KLHL13: variants seen among roughly 807,000 people sequenced by gnomAD.
KLHL13 encodes the protein kelch like family member 13.
In KLHL13, 10 loss-of-function variants were observed where a neutral mutation model predicts 37.1. That is an observed-to-expected ratio of 0.27 (90% CI 0.17 to 0.46). The LOEUF (loss-of-function observed/expected upper bound fraction) is 0.46, where lower values mean the gene tolerates loss of function less well. KLHL13 is among the 20% of genes least tolerant of loss of function. The pLI is 1.00. For missense variants in KLHL13, 360 were observed against 509.3 expected, an observed-to-expected ratio of 0.71 and a Z score of 2.82; for synonymous variants, 163 against 181.2, an observed-to-expected ratio of 0.90 and a Z score of 0.81.
intron 1 of KLHL13, among the ~76,000 whole-genome samples, chrX:118,045,487 A>G (rs1209121327): frequency 9.0e-6 from 1 of 111,149 alleles, no homozygotes; most frequent in East Asian, 2.8e-4. Flanking sequence ...GATATCATTG[A>G]TCATTAGAGA....
intron 2 of KLHL13, among the ~76,000 whole-genome samples, chrX:117,932,558 A>AT (rs1164255249): frequency 8.9e-6 from 1 of 111,868 alleles, no homozygotes; most frequent in Non-Finnish European, 1.9e-5. Flanking sequence ...GTATCTATCT[A>AT]TCTGTATCAC....
At chrX:117,944,473 C>T (rs961093392) in intron 2 of KLHL13, among the ~76,000 whole-genome samples, 2 of 111,188 alleles carry the variant, frequency 1.8e-5, no homozygotes, top group African/African-American at 3.3e-5. Context: ...AAATGAAATC[C>T]GGTGAAATTA....
intron 1 of KLHL13, among the ~76,000 whole-genome samples, chrX:118,031,183 T>C (rs955373821): frequency 1.1e-4 from 12 of 109,672 alleles, no homozygotes; most frequent in African/African-American, 4.0e-4. Context: ...TGGGAAGAAT[T>C]AGTTGGTTTC....
chrX:117,960,831 A>G (rs2053282775), intron 1 of KLHL13, among the ~76,000 whole-genome samples: 1 of 112,015 alleles, frequency 8.9e-6, no homozygotes, highest in Admixed American at 9.5e-5. Flanking sequence ...ACACTTTAGT[A>G]CTTTTTAAAT....
intron 1 of KLHL13, among the ~76,000 whole-genome samples, chrX:118,082,665 A>C (rs181989667): frequency 9.0e-6 from 1 of 111,605 alleles, no homozygotes; most frequent in East Asian, 2.8e-4. Context: ...CTTAGCCAAA[A>C]ATTTCTTTCC....
intron 1 of KLHL13, among the ~76,000 whole-genome samples, chrX:118,020,264 T>G (rs990632817): frequency 5.4e-5 from 6 of 111,059 alleles, no homozygotes; most frequent in Admixed American, 9.6e-5. Context: ...AATTGTGAAT[T>G]GGAGTTCACT....
intron 1 of KLHL13, among the ~76,000 whole-genome samples, chrX:118,029,559 C>T (rs922979510): frequency 9.0e-6 from 1 of 111,514 alleles, no homozygotes. Context: ...TTATTCTATT[C>T]GTTTCAGATA....
chrX:118,094,919 C>T (rs1449457480), intron 1 of KLHL13, among the ~76,000 whole-genome samples: 3 of 111,657 alleles, frequency 2.7e-5, no homozygotes, highest in Non-Finnish European at 5.6e-5. Context: ...ACAACTGGTA[C>T]CAGCCACTGC....
intron 1 of KLHL13, among the ~76,000 whole-genome samples, chrX:118,061,472 T>C (rs1456890449): frequency 4.5e-5 from 5 of 111,183 alleles, no homozygotes; most frequent in Non-Finnish European, 9.4e-5. Flanking sequence ...ACGAACTGTG[T>C]ATACTAATAC....
intron 1 of KLHL13, among the ~76,000 whole-genome samples, chrX:118,109,371 T>A (rs527376733): frequency 8.9e-6 from 1 of 111,791 alleles, no homozygotes; most frequent in South Asian, 3.8e-4. Flanking sequence ...AAAGAACAGA[T>A]TCGGGCAGTA....
chrX:118,013,380 C>T (rs921501821), intron 1 of KLHL13, among the ~76,000 whole-genome samples: 15 of 111,770 alleles, frequency 1.3e-4, no homozygotes, highest in African/African-American at 4.6e-4. Flanking sequence ...TTTTAAACAA[C>T]AGTACAAAGG....
chrX:118,097,593 T>C (rs772526620), intron 1 of KLHL13, among the ~76,000 whole-genome samples: 1 of 111,644 alleles, frequency 9.0e-6, no homozygotes, highest in Non-Finnish European at 1.9e-5. Context: ...AAAGTTCATA[T>C]GGAACCAAAA....
At chrX:118,053,254 T>C (rs2054636700) in intron 1 of KLHL13, among the ~76,000 whole-genome samples, 1 of 111,689 alleles carries the variant, frequency 9.0e-6, no homozygotes, top group Non-Finnish European at 1.9e-5. Flanking sequence ...TGTCCAACAA[T>C]GATAGACTGG....
intron 1 of KLHL13, among the ~76,000 whole-genome samples, chrX:118,050,256 C>A (rs1330078146): frequency 3.6e-5 from 4 of 111,854 alleles, no homozygotes; most frequent in African/African-American, 1.3e-4. Flanking sequence ...TTTAGGAATG[C>A]CTTTGAGGTA....
intron 2 of KLHL13, among the ~76,000 whole-genome samples, chrX:117,932,063 T>C (rs1449187712): frequency 1.8e-5 from 2 of 111,361 alleles, no homozygotes; most frequent in African/African-American, 6.5e-5. Flanking sequence ...CACATAATAA[T>C]TGTACATATT....
At chrX:118,080,620 G>C (rs914978475) in intron 1 of KLHL13, among the ~76,000 whole-genome samples, 1 of 112,161 alleles carries the variant, frequency 8.9e-6, no homozygotes, top group African/African-American at 3.2e-5. Context: ...ACAGATGTCA[G>C]TGAGGCTGCA....
intron 1 of KLHL13, among the ~76,000 whole-genome samples, chrX:118,010,744 A>T (rs1236985280): frequency 8.4e-5 from 9 of 106,604 alleles, no homozygotes; most frequent in African/African-American, 3.1e-4. Context: ...ATATAATTTA[A>T]AAAAAAAAAG....
intron 1 of KLHL13, among the ~76,000 whole-genome samples, chrX:117,965,995 A>C (rs1423912218): frequency 9.0e-6 from 1 of 111,423 alleles, no homozygotes; most frequent in East Asian, 2.8e-4. Flanking sequence ...AAACTGGCAC[A>C]AGACAGGGAT....
chrX:117,988,605 A>G (rs1190955137), intron 1 of KLHL13, among the ~76,000 whole-genome samples: 3 of 111,866 alleles, frequency 2.7e-5, no homozygotes, highest in Non-Finnish European at 5.7e-5. Flanking sequence ...TCTAATGGGG[A>G]AGATGGGGGT....
Sources: allele counts gnomAD v4.1 joint callset (sites outside exome capture counted in the v4.1 genomes callset), GRCh38; gene constraint gnomAD v4.1.1; transcripts MANE v1.5; gene names NCBI Gene and HGNC (gene_info 2026-07-23, HGNC 2026-07-21).